CORO2B: variants seen among roughly 807,000 people sequenced by gnomAD.
CORO2B encodes coronin-2B.
In CORO2B, 26 loss-of-function variants were observed where a neutral mutation model predicts 58.8. The observed-to-expected ratio is 0.44, with a 90% CI of 0.32 to 0.61. The LOEUF (loss-of-function observed/expected upper bound fraction) is 0.61. Among genes scored for constraint, CORO2B ranks in the 20% least tolerant of loss-of-function variants. The pLI is 0.04. For synonymous variants in CORO2B, 242 were observed against 253.8 expected (o/e 0.95, Z 0.44); for missense variants, 460 against 645.1 (o/e 0.71, Z 3.11).
At chr15:68,713,254 G>A (rs890600048) in intron 5 of CORO2B, among the ~76,000 whole-genome samples, 1 of 152,134 alleles carries the variant, frequency 6.6e-6, no homozygotes, top group Non-Finnish European at 1.5e-5. Flanking sequence ...GATTTCTTCC[G>A]ATAGATATTG....
intron 2 of CORO2B, among the ~76,000 whole-genome samples, chr15:68,691,734 C>T (rs1892383105): frequency 1.3e-5 from 2 of 151,658 alleles, no homozygotes; most frequent in African/African-American, 4.8e-5. Flanking sequence ...GAGTGCAGGG[C>T]TCTGGCCACT....
chr15:68,624,001 C>A (rs1900604545), intron 1 of CORO2B, among the ~76,000 whole-genome samples: 2 of 152,262 alleles, frequency 1.3e-5, no homozygotes, highest in Admixed American at 1.3e-4. Context: ...GGATTTTCAG[C>A]CCTAGAGACT....
the CORO2B span, among the ~76,000 whole-genome samples, chr15:68,571,821 A>G: frequency 6.6e-6 from 1 of 152,220 alleles, no homozygotes; most frequent in Non-Finnish European, 1.5e-5. Flanking sequence ...CTTTACAAAT[A>G]TAACGGGCTG....
the CORO2B span, among the ~76,000 whole-genome samples, chr15:68,557,861 G>A: frequency 1.3e-5 from 2 of 152,220 alleles, no homozygotes; most frequent in Admixed American, 6.5e-5. Context: ...TGCAGCAAAT[G>A]ACAGGCATGA....
intron 1 of CORO2B, among the ~76,000 whole-genome samples, chr15:68,644,137 C>G (rs901036569): frequency 3.9e-5 from 6 of 152,222 alleles, no homozygotes; most frequent in African/African-American, 1.4e-4. Flanking sequence ...ACTCCAAAAT[C>G]TTAGCGGCTT....
At chr15:68,635,952 C>G (rs1901020442) in intron 1 of CORO2B, among the ~76,000 whole-genome samples, 1 of 152,198 alleles carries the variant, frequency 6.6e-6, no homozygotes, top group Non-Finnish European at 1.5e-5. Flanking sequence ...GGTGCAGTCC[C>G]TGCCCTCAAC....
In CORO2B at chr15:68,585,231, G is replaced by A. The variant is rs147394296; in HGVS notation, c.15+5954G>A. Among the ~76,000 whole-genome samples the A allele has an allele frequency of 1.0e-3, 158 of 152,326 alleles. 1 individual carries two copies. Among genetic ancestry groups the A allele is most frequent in the Admixed American group, 7.1e-3 (108 of 15,300 alleles). ...AGGGACGGATAAACAGAGTGTCTGA[G>A]TGGAGAGATGACCACACCCTGGTCC... is the stretch of plus-strand genomic sequence containing the variant. On this transcript the variant is annotated intron_variant, in intron 1 of 11. Transcript: ENST00000261861.
At chr15:68,573,382 A>C in the CORO2B span, among the ~76,000 whole-genome samples, 3 of 152,130 alleles carry the variant, frequency 2.0e-5, no homozygotes, top group African/African-American at 7.2e-5. Flanking sequence ...GGAAATAAGC[A>C]GATCTGGTGG....
rs182804875 is a variant in CORO2B at position 68,649,620 on chromosome 15, T to G, written c.216+4260T>G. 2.6e-5 allele frequency among the ~76,000 whole-genome samples: 4 copies of G among 152,350 alleles called. No homozygotes were observed. The East Asian group carries it at 7.7e-4, about 29-fold the overall frequency. ...TTATATGGGTTATATCTGTCAATAGTTAGCATATTCAAAATAAAAATGAAG... is the reference window on the plus strand; with the variant it reads ...TTATATGGGTTATATCTGTCAATAGGTAGCATATTCAAAATAAAAATGAAG... On this transcript the variant is annotated intron_variant, in intron 2 of 11. Coordinates refer to ENST00000261861, the MANE Select transcript of CORO2B (RefSeq NM_006091.5).
At chr15:68,552,724 G>A in the CORO2B span, among the ~76,000 whole-genome samples, 9 of 152,024 alleles carry the variant, frequency 5.9e-5, no homozygotes, top group African/African-American at 9.7e-5. Flanking sequence ...TCATAGAATC[G>A]CATGCTTCCT....
chr15:68,601,715 G>A (rs1899988392), intron 1 of CORO2B, among the ~76,000 whole-genome samples: 1 of 152,234 alleles, frequency 6.6e-6, no homozygotes, highest in Non-Finnish European at 1.5e-5. Flanking sequence ...AAGAAATGAG[G>A]GCTTTGAGGA....
At chr15:68,679,826 AC>A (rs1276949684) in intron 2 of CORO2B, among the ~76,000 whole-genome samples, 1 of 152,164 alleles carries the variant, frequency 6.6e-6, no homozygotes, top group Admixed American at 6.5e-5. Context: ...GGGGCTGTTC[AC>A]TTACAATGTA....
intron 2 of CORO2B, among the ~76,000 whole-genome samples, chr15:68,670,001 G>C (rs905453119): frequency 2.7e-5 from 4 of 150,004 alleles, no homozygotes; most frequent in Non-Finnish European, 4.4e-5. Context: ...AGGTTGCAGT[G>C]AGCCAAGATC....
intron 9 of CORO2B, 23 bp from the exon 10 acceptor site, chr15:68,719,121 C>G: frequency 1.3e-6 from 2 of 1,593,182 alleles, no homozygotes; most frequent in Non-Finnish European, 8.6e-7. Flanking sequence ...CATGTGTCCT[C>G]TCTTCTGCTC....
chr15:68,682,905 T>C (rs1484184861), intron 2 of CORO2B, among the ~76,000 whole-genome samples: 2 of 152,092 alleles, frequency 1.3e-5, no homozygotes, highest in African/African-American at 4.8e-5. Flanking sequence ...AGGAGAGGTG[T>C]GTGGAATTGG....
At chr15:68,522,596 C>G in the CORO2B span, among the ~76,000 whole-genome samples, 2 of 151,880 alleles carry the variant, frequency 1.3e-5, no homozygotes, top group African/African-American at 2.4e-5. Context: ...ATTACAGGTG[C>G]GTGCCACCAT....
the CORO2B span, among the ~76,000 whole-genome samples, chr15:68,569,276 C>A: frequency 6.6e-6 from 1 of 152,196 alleles, no homozygotes; most frequent in African/African-American, 2.4e-5. Context: ...CCTAAAAATC[C>A]TCTGTGCTCC....
the CORO2B span, among the ~76,000 whole-genome samples, chr15:68,562,677 C>A: frequency 2.6e-5 from 4 of 151,998 alleles, no homozygotes; most frequent in Non-Finnish European, 5.9e-5. Context: ...TAAAATACTT[C>A]GAGACAATGA....
chr15:68,566,292 G>C, the CORO2B span, among the ~76,000 whole-genome samples: 1 of 152,108 alleles, frequency 6.6e-6, no homozygotes, highest in African/African-American at 2.4e-5. Flanking sequence ...CCATTTGATA[G>C]GAGAGGAAAC....
Sources: allele counts gnomAD v4.1 joint callset (sites outside exome capture counted in the v4.1 genomes callset), GRCh38; gene constraint gnomAD v4.1.1; transcripts MANE v1.5; gene names NCBI Gene and HGNC (gene_info 2026-07-23, HGNC 2026-07-21).